Variants in WWOX observed in about 807,000 individuals in gnomAD.
The protein encoded by WWOX is WW domain containing oxidoreductase.
WWOX carries 69 observed loss-of-function variants against 46.2 expected under a neutral mutation model. That is an observed-to-expected ratio of 1.49 (90% confidence interval 1.23 to 1.82). The LOEUF is 1.82. Among genes scored for constraint, WWOX ranks in the 40% most tolerant of loss-of-function variants. WWOX has a pLI of 0.00. For synonymous variants in WWOX, 359 were observed against 202.6 expected (o/e 1.77, Z -6.56); for missense variants, 919 against 542.6 (o/e 1.69, Z -6.89).
chr16:78,906,203 T>C (rs2044959822), intron 8 of WWOX, among the ~76,000 whole-genome samples: 1 of 152,156 alleles, frequency 6.6e-6, no homozygotes, highest in Non-Finnish European at 1.5e-5. Flanking sequence ...GCCACTGGTG[T>C]GGTGAGTTAT....
intron 8 of WWOX, among the ~76,000 whole-genome samples, chr16:79,108,346 T>C (rs978110261): frequency 1.1e-4 from 16 of 152,364 alleles, no homozygotes; most frequent in African/African-American, 3.8e-4. Context: ...ATAGCTGAGC[T>C]GCGTATTAAG....
intron 8 of WWOX, among the ~76,000 whole-genome samples, chr16:78,510,592 T>C (rs2085338920): frequency 6.6e-6 from 1 of 152,222 alleles, no homozygotes; most frequent in African/African-American, 2.4e-5. Flanking sequence ...GCAACCATAA[T>C]TTAGCTATGG....
chr16:79,004,891 G>A (rs530461205), intron 8 of WWOX, among the ~76,000 whole-genome samples: 2 of 152,082 alleles, frequency 1.3e-5, no homozygotes, highest in African/African-American at 4.8e-5. Flanking sequence ...ATTTTGGGGG[G>A]GTTAATTTCA....
At chr16:78,449,508 T>A (rs1478962359) in intron 8 of WWOX, among the ~76,000 whole-genome samples, 1 of 152,210 alleles carries the variant, frequency 6.6e-6, no homozygotes, top group Non-Finnish European at 1.5e-5. Context: ...GTAGATTTAC[T>A]CACAGGACTT....
At chr16:78,443,439 C>T (rs2083490039) in intron 8 of WWOX, among the ~76,000 whole-genome samples, 1 of 152,156 alleles carries the variant, frequency 6.6e-6, no homozygotes, top group Non-Finnish European at 1.5e-5. Flanking sequence ...GTTTTACTGG[C>T]ACCAAGAACA....
At chr16:78,739,851 C>G (rs539842483) in intron 8 of WWOX, among the ~76,000 whole-genome samples, 4 of 152,200 alleles carry the variant, frequency 2.6e-5, no homozygotes, top group African/African-American at 9.6e-5. Context: ...CCAGATATTC[C>G]TTATTATGGA....
intron 5 of WWOX, among the ~76,000 whole-genome samples, chr16:78,351,347 A>G (rs1453781768): frequency 6.6e-6 from 1 of 152,228 alleles, no homozygotes; most frequent in Non-Finnish European, 1.5e-5. Flanking sequence ...AGAAAAAAGT[A>G]CTGATTGTCC....
At chr16:78,528,165 A>AT (rs56803717) in intron 8 of WWOX, among the ~76,000 whole-genome samples, 28,085 of 58,062 alleles carry the variant, frequency 0.48, 8,856 homozygotes, top group Non-Finnish European at 0.56. Flanking sequence ...CACCTGGCTA[A>AT]TTTTTTTTTT....
At chr16:78,895,813 GACTC>G (rs1597119060) in intron 8 of WWOX, 1 of 152,186 alleles carries the variant, frequency 6.6e-6, no homozygotes, top group East Asian at 1.9e-4. Context: ...AATGTCAACT[GACTC>G]ACAGTATCCG....
intron 8 of WWOX, among the ~76,000 whole-genome samples, chr16:78,960,914 C>T (rs1481742688): frequency 6.6e-6 from 1 of 152,186 alleles, no homozygotes; most frequent in Non-Finnish European, 1.5e-5. Flanking sequence ...AGTTCAGAAC[C>T]TACGGGGCTT....
At chr16:78,362,602 C>G (rs998932970) in intron 5 of WWOX, among the ~76,000 whole-genome samples, 2 of 151,916 alleles carry the variant, frequency 1.3e-5, no homozygotes, top group South Asian at 2.1e-4. Context: ...GAGCAAGACT[C>G]TATCTACCCC....
At chr16:78,942,702 A>C (rs1225106282) in intron 8 of WWOX, among the ~76,000 whole-genome samples, 1 of 152,190 alleles carries the variant, frequency 6.6e-6, no homozygotes, top group Non-Finnish European at 1.5e-5. Context: ...GAACTTAACT[A>C]ACTGAACTTG....
chr16:78,333,930 C>G (rs759437317), intron 5 of WWOX, among the ~76,000 whole-genome samples: 1 of 145,326 alleles, frequency 6.9e-6, no homozygotes. Context: ...CTCTTCTTCT[C>G]TTTTAGAAAC....
At chr16:78,829,004 G>T (rs1448331815) in intron 8 of WWOX, among the ~76,000 whole-genome samples, 1 of 152,116 alleles carries the variant, frequency 6.6e-6, no homozygotes, top group South Asian at 2.1e-4. Flanking sequence ...TAAACCCTTG[G>T]ACTTCTTCTC....
intron 8 of WWOX, among the ~76,000 whole-genome samples, chr16:79,147,147 A>C (rs1019387765): frequency 2.0e-5 from 3 of 152,174 alleles, no homozygotes; most frequent in Admixed American, 1.3e-4. Flanking sequence ...ATACAGTGTC[A>C]TCAAATGTGT....
intron 8 of WWOX, among the ~76,000 whole-genome samples, chr16:78,695,218 T>TTA (rs1325864280): frequency 6.6e-6 from 1 of 152,154 alleles, no homozygotes; most frequent in Admixed American, 6.5e-5. Flanking sequence ...TTCCCTTTTG[T>TTA]TATTATTCTA....
chr16:78,557,361 C>T (rs920724490), intron 8 of WWOX, among the ~76,000 whole-genome samples: 5 of 152,176 alleles, frequency 3.3e-5, no homozygotes, highest in Non-Finnish European at 5.9e-5. Flanking sequence ...CCCCCCGCAC[C>T]GGGCTCTTGG....
At chr16:79,140,880 G>T (rs1408233921) in intron 8 of WWOX, among the ~76,000 whole-genome samples, 1 of 152,152 alleles carries the variant, frequency 6.6e-6, no homozygotes, top group African/African-American at 2.4e-5. Context: ...TCACACCTCT[G>T]TTCTGCATGT....
chr16:78,178,824 A>T (rs1454154740), intron 5 of WWOX, among the ~76,000 whole-genome samples: 4 of 151,402 alleles, frequency 2.6e-5, no homozygotes, highest in African/African-American at 9.7e-5. Flanking sequence ...AGGTGGTGCC[A>T]CTGCATTCCA....
Sources: allele counts gnomAD v4.1 joint callset (sites outside exome capture counted in the v4.1 genomes callset), GRCh38; gene constraint gnomAD v4.1.1; transcripts MANE v1.5; gene names NCBI Gene and HGNC (gene_info 2026-07-23, HGNC 2026-07-21).